ITGA11: variants seen among roughly 807,000 people sequenced by gnomAD.
The protein encoded by ITGA11 is integrin subunit alpha 11.
Under a neutral mutation model 141.9 loss-of-function variants are expected in ITGA11, and 97 were observed. The ratio of observed to expected loss-of-function variants is 0.68; its 90% CI spans 0.58 to 0.81. The LOEUF is 0.81. Ranked by LOEUF, ITGA11 falls within the 30% of genes least tolerant of loss-of-function variation. The pLI is 0.00. For synonymous variants in ITGA11, 658 were observed against 624.6 expected, an observed-to-expected ratio of 1.05 and a Z score of -0.80; for missense variants, 1,387 against 1,559.2, an observed-to-expected ratio of 0.89 and a Z score of 1.86.
chr15:68,417,589 G>A (rs889903148), intron 1 of ITGA11, among the ~76,000 whole-genome samples: 4 of 152,054 alleles, frequency 2.6e-5, no homozygotes, highest in African/African-American at 4.8e-5. Context: ...TAAAGCCCCC[G>A]AGAGTTCCTC....
In ITGA11 at chr15:68,308,917, T is replaced by C. The variant is rs1893288926; in HGVS notation, c.3175-1221A>G. Among the ~76,000 whole-genome samples, 2 of 152,188 alleles carry C rather than the reference T, an allele frequency of 1.3e-5. No individual in the cohort carries two copies. The highest frequency in any genetic ancestry group is 1.5e-5 in the Non-Finnish European group (1 of 68,038). ...TAACAGCAGAACCATTAGCCAACAC[T>C]ATAGACAGCTCAGTTGGCTTAGTTT... On this transcript the variant is annotated intron_variant, in intron 26 of 29. Transcript: ENST00000315757. The surrounding 1 kb of genome is among the most constrained non-coding windows in gnomAD (Gnocchi z 5.2).
At chr15:68,408,514 A>G (rs1293697003) in intron 1 of ITGA11, among the ~76,000 whole-genome samples, 1 of 152,038 alleles carries the variant, frequency 6.6e-6, no homozygotes, top group Non-Finnish European at 1.5e-5. Flanking sequence ...AAGAAGAGAG[A>G]TGGGTCCTAT....
At chr15:68,347,049 C>G (rs1894764316) in intron 10 of ITGA11, among the ~76,000 whole-genome samples, 2 of 152,240 alleles carry the variant, frequency 1.3e-5, no homozygotes, top group Admixed American at 6.5e-5. Flanking sequence ...TTTCCGGGTC[C>G]TTTCAGCACT....
At position 68,332,483 on chromosome 15, in the gene ITGA11, G is replaced by A. The variant is rs369256874; in HGVS notation, c.1426-5C>T. On this transcript the variant is annotated splice_region_variant and splice_polypyrimidine_tract_variant and intron_variant, in intron 12 of 29. Coordinates refer to ENST00000315757, the MANE Select transcript of ITGA11 (RefSeq NM_001004439.2). ...ACTCCCAAAGTAAGAGCCTATCTGC[G>A]GCACGTGATGGGAGAGAGGAGTGGG... The A allele has an allele frequency of 5.0e-6, 8 of 1,611,774 alleles. No individual in the cohort carries two copies. The highest frequency in any genetic ancestry group is 3.3e-5 in the South Asian group (3 of 90,612).
chr15:68,361,606 C>T lies in ITGA11; in HGVS notation c.456G>A (p.Val152=). Residue 152 remains valine, a synonymous_variant, in exon 5 of 30, where the codon GTG becomes GTA. Transcript: ENST00000315757. ...VNSNFRFSKT[V]APALQRCQTY... is the part of the protein sequence containing the mutation. The stretch of plus-strand genomic sequence containing the variant: ...GCCACTTACTTTGGAGAGCTGGGGC[C>T]ACGGTCTTGGAGAACCTGAAGTTGG... 6.2e-7 allele frequency: 1 copy of T among 1,606,002 alleles called. No individual in the cohort carries two copies. The highest frequency in any genetic ancestry group is 1.1e-5 in the South Asian group (1 of 89,074).
intron 3 of ITGA11, among the ~76,000 whole-genome samples, chr15:68,365,758 C>G (rs1895402923): frequency 2.0e-5 from 3 of 150,956 alleles, no homozygotes; most frequent in Admixed American, 2.0e-4. Context: ...TTTTTTGAGG[C>G]AGGGTCTCAC....
chr15:68,313,692 G>C (rs905280264), intron 23 of ITGA11, 87 bp downstream of exon 23: 2 of 984,690 alleles, frequency 2.0e-6, no homozygotes, highest in African/African-American at 3.2e-5. Context: ...GCCCTATTAG[G>C]GCCCATCAGA....
intron 23 of ITGA11, among the ~76,000 whole-genome samples, chr15:68,313,430 C>T (rs912566564): frequency 3.3e-5 from 5 of 152,154 alleles, no homozygotes; most frequent in East Asian, 3.8e-4. Context: ...GATTGACTTA[C>T]GATAGATATT....
intron 1 of ITGA11, among the ~76,000 whole-genome samples, chr15:68,414,061 G>A (rs529869450): frequency 6.6e-6 from 1 of 152,170 alleles, no homozygotes; most frequent in Non-Finnish European, 1.5e-5. Context: ...GCCTTGGTGG[G>A]GGTCCAGGCG....
intron 2 of ITGA11, among the ~76,000 whole-genome samples, chr15:68,394,316 A>G (rs924224732): frequency 6.6e-6 from 1 of 152,204 alleles, no homozygotes; most frequent in Non-Finnish European, 1.5e-5. Context: ...AGACAACTAG[A>G]AAATCTCCAA....
chr15:68,303,271 C>T lies in ITGA11; in HGVS notation c.3496-141G>A. The T allele has an allele frequency of 5.6e-6, 4 of 712,402 alleles. No homozygotes were observed. Among genetic ancestry groups the T allele is most frequent in the Non-Finnish European group, 9.6e-6 (4 of 415,900 alleles). 44.1% of individuals were successfully genotyped at this position (712,402 alleles called of 1,614,324 possible). On this transcript the variant is annotated intron_variant, in intron 29 of 29. Transcript: ENST00000315757. This position sits in a 1 kb window ranked among gnomAD's most constrained non-coding sequence, Gnocchi z 5.3. ...CCCAGCTCATTCTGAGCACCCCCTC[C>T]TCCAGAACTGCCTCTGTGGACTGGA...
intron 2 of ITGA11, among the ~76,000 whole-genome samples, chr15:68,384,852 C>G (rs1032750843): frequency 1.3e-5 from 2 of 151,438 alleles, no homozygotes; most frequent in Non-Finnish European, 2.9e-5. Flanking sequence ...GAAAGGCTTC[C>G]ACAGCAACAA....
At chr15:68,372,276 G>A (rs1232111422) in intron 2 of ITGA11, among the ~76,000 whole-genome samples, 2 of 152,182 alleles carry the variant, frequency 1.3e-5, no homozygotes, top group East Asian at 1.9e-4. Context: ...CAGGGAAAAT[G>A]TTCACGTCAC....
rs1693574799 is a variant in ITGA11 at position 68,301,095 on chromosome 15, G to T, written c.*1964C>A. ...AATGGGTTTTGATACTCAAATTTTA[G>T]TTTCACCATTTTCACCTTTTGCTCC... On this transcript the variant is annotated 3_prime_UTR_variant, in exon 30 of 30. Transcript: ENST00000315757. This position sits in a 1 kb window ranked among gnomAD's most constrained non-coding sequence, Gnocchi z 4.4. The T allele has an allele frequency of 6.6e-6, 1 of 152,150 alleles. No homozygotes were observed. 9.4% of individuals were successfully genotyped at this position (152,150 alleles called of 1,614,324 possible). A position where few individuals can be genotyped will look rare whatever the true frequency, so the allele number is the denominator to read the frequency against.
At chr15:68,382,011 G>C (rs1011589178) in intron 2 of ITGA11, among the ~76,000 whole-genome samples, 3 of 152,210 alleles carry the variant, frequency 2.0e-5, no homozygotes, top group Admixed American at 6.5e-5. Flanking sequence ...ACAGAAGCCG[G>C]CCTTGGGTTG....
chr15:68,363,947 G>A (rs1422499422), intron 4 of ITGA11, among the ~76,000 whole-genome samples: 1 of 152,158 alleles, frequency 6.6e-6, no homozygotes, highest in Non-Finnish European at 1.5e-5. Flanking sequence ...TCGTTTGCTT[G>A]TCGCCTCTCT....
In ITGA11 at chr15:68,352,595, C is replaced by T. The variant is rs563418379; in HGVS notation, c.750-1193G>A. ...CCAGGGTGACTCAGCATCCAGACAA[C>T]ACTAACCCATAAAATGCGTGCGATG... On this transcript the variant is annotated intron_variant, in intron 7 of 29. Transcript: ENST00000315757. Among the ~76,000 whole-genome samples the T allele has an allele frequency of 3.3e-5, 5 of 152,356 alleles. No homozygotes were observed. The East Asian group carries it at 9.6e-4, about 29-fold the overall frequency.
At chr15:68,412,668 C>CTTTTTTT (rs71145169) in intron 1 of ITGA11, among the ~76,000 whole-genome samples, 2 of 59,250 alleles carry the variant, frequency 3.4e-5, no homozygotes, top group African/African-American at 6.7e-5. Flanking sequence ...AACTTATTCG[C>CTTTTTTT]TTTTTTTTTT....
intron 2 of ITGA11, among the ~76,000 whole-genome samples, chr15:68,394,484 T>A (rs1896186793): frequency 6.6e-6 from 1 of 152,098 alleles, no homozygotes; most frequent in South Asian, 2.1e-4. Context: ...TAGCCTTATA[T>A]GTATATTTTA....
Sources: gnomAD v4.1 joint callset for allele counts (sites outside exome capture counted in the v4.1 genomes callset) on GRCh38, gnomAD v4.1.1 for gene constraint, Gnocchi (gnomAD v3.1) non-coding constraint, MANE v1.5 for transcripts, NCBI Gene and HGNC (gene_info 2026-07-23, HGNC 2026-07-21) for gene names.